Variants in NBEA observed in about 807,000 individuals in gnomAD.
NBEA encodes the protein neurobeachin.
Under a neutral mutation model 343.4 loss-of-function variants are expected in NBEA, and 44 were observed. The observed-to-expected ratio is 0.13, with a 90% CI of 0.10 to 0.16. The LOEUF (loss-of-function observed/expected upper bound fraction) is 0.16, where lower values mean the gene tolerates loss of function less well. NBEA is among the 10% of genes least tolerant of loss of function. The pLI, the probability that NBEA is intolerant of heterozygous loss-of-function variation, is 1.00. For missense variants in NBEA, 2,555 were observed against 3,631.3 expected (o/e 0.70, Z 7.62); for synonymous variants, 1,175 against 1,238.7 (o/e 0.95, Z 1.08).
At chr13:35,323,694 C>T (rs1006231139) in intron 36 of NBEA, among the ~76,000 whole-genome samples, 1 of 151,320 alleles carries the variant, frequency 6.6e-6, no homozygotes, top group Non-Finnish European at 1.5e-5. Flanking sequence ...TGCACATGTA[C>T]CCTAAAACTT....
intron 35 of NBEA, among the ~76,000 whole-genome samples, chr13:35,304,513 C>T (rs2036759549): frequency 6.6e-6 from 1 of 152,018 alleles, no homozygotes; most frequent in African/African-American, 2.4e-5. Flanking sequence ...ACCACCACAC[C>T]CGGCTAATTT....
intron 34 of NBEA, among the ~76,000 whole-genome samples, chr13:35,281,569 A>G (rs1164656899): frequency 1.3e-5 from 2 of 152,292 alleles, no homozygotes; most frequent in East Asian, 3.9e-4. Context: ...AATGATTATC[A>G]AATAGTTTCC....
At chr13:35,308,590 A>ATGTATATG (rs2037140076) in intron 35 of NBEA, among the ~76,000 whole-genome samples, 1 of 136,588 alleles carries the variant, frequency 7.3e-6, no homozygotes, top group South Asian at 2.2e-4. Context: ...ATATGTATAT[A>ATGTATATG]TGTATATATG....
intron 41 of NBEA, among the ~76,000 whole-genome samples, chr13:35,532,653 A>C (rs2078321891): frequency 6.6e-6 from 1 of 152,170 alleles, no homozygotes; most frequent in Non-Finnish European, 1.5e-5. Flanking sequence ...TTAGAAGTTA[A>C]GTAAAATATG....
intron 17 of NBEA, among the ~76,000 whole-genome samples, chr13:35,140,892 A>G (rs910730741): frequency 6.6e-6 from 1 of 152,176 alleles, no homozygotes; most frequent in Admixed American, 6.5e-5. Flanking sequence ...ATTATCTTAC[A>G]GTGATTTAGA....
chr13:35,507,822 G>A (rs377164776), intron 41 of NBEA, among the ~76,000 whole-genome samples: 14 of 152,218 alleles, frequency 9.2e-5, no homozygotes, highest in African/African-American at 3.4e-4. Context: ...CTGATTGAAC[G>A]TGTTGCAATG....
rs1479209641 is a variant in NBEA at position 35,649,585 on chromosome 13, TC to T, written c.7771-67del. On this transcript the variant is annotated intron_variant, in intron 51 of 58. Coordinates refer to ENST00000379939, the MANE Select transcript of NBEA (RefSeq NM_001385012.1). ...TAGCCTTGTCTGTTTAACCTCATTCTCCCTAGACCTTTCACTAACTATGTTA... is the reference window on the plus strand; with the variant it reads ...TAGCCTTGTCTGTTTAACCTCATTCTCCTAGACCTTTCACTAACTATGTTA... 3.1e-6 allele frequency: 4 copies of T among 1,307,868 alleles called. No homozygotes were observed. The African/African-American group carries it at 5.9e-5, about 19-fold the overall frequency. The allele number at this position is 1,307,868 out of a possible 1,614,324, so 81.0% of individuals were successfully genotyped here.
intron 1 of NBEA, among the ~76,000 whole-genome samples, chr13:35,031,605 C>A (rs961602343): frequency 2.6e-4 from 39 of 151,350 alleles, no homozygotes; most frequent in African/African-American, 9.0e-4. Flanking sequence ...GTACTTAACT[C>A]AATTATCTCA....
At chr13:35,507,638 C>G (rs1238940422) in intron 41 of NBEA, among the ~76,000 whole-genome samples, 2 of 152,238 alleles carry the variant, frequency 1.3e-5, no homozygotes, top group Middle Eastern at 3.4e-3. Flanking sequence ...TTTGACTTCT[C>G]TCTTTCTCTC....
chr13:35,188,816 A>G (rs985350887), intron 30 of NBEA, among the ~76,000 whole-genome samples: 2 of 151,588 alleles, frequency 1.3e-5, no homozygotes, highest in African/African-American at 2.4e-5. Context: ...ACCATTTTCC[A>G]TAATAGCTGT....
chr13:35,179,534 AAAAAAAT>A (rs879942977), intron 28 of NBEA, among the ~76,000 whole-genome samples: 19 of 151,362 alleles, frequency 1.3e-4, no homozygotes, highest in East Asian at 5.8e-4. Flanking sequence ...TCTGGGTTAA[AAAAAAAT>A]AAAAAATAAA....
intron 17 of NBEA, among the ~76,000 whole-genome samples, chr13:35,126,324 T>C (rs2067131820): frequency 6.6e-6 from 1 of 152,148 alleles, no homozygotes; most frequent in Non-Finnish European, 1.5e-5. Context: ...ATTAAACCTC[T>C]TTCCTTTATA....
Position 35,089,914 on chromosome 13 carries a change from G to A in NBEA, c.1572-8383G>A, listed in dbSNP as rs1193333638. ...ATCACACTCTGGGGACTGTTGTGGG[G>A]TGGGGGGAGGGGGGAGGGATAGCAT... On this transcript the variant is annotated intron_variant, in intron 10 of 58. Coordinates refer to ENST00000379939, the MANE Select transcript of NBEA (RefSeq NM_001385012.1). Among the ~76,000 whole-genome samples the A allele has an allele frequency of 7.3e-5, 8 of 109,170 alleles. 1 individual carries two copies. Among genetic ancestry groups the A allele is most frequent in the Admixed American group, 2.4e-4 (2 of 8,468 alleles). The allele number at this position is 109,170 out of a possible 152,430, so 71.6% of individuals were successfully genotyped here.
chr13:35,139,712 T>C (rs1043284418), intron 17 of NBEA, among the ~76,000 whole-genome samples: 2 of 144,226 alleles, frequency 1.4e-5, no homozygotes, highest in Non-Finnish European at 3.0e-5. Context: ...ACAGGGCCAG[T>C]GCACCATTTC....
At chr13:35,282,552 C>G (rs1264052442) in intron 34 of NBEA, among the ~76,000 whole-genome samples, 2 of 151,890 alleles carry the variant, frequency 1.3e-5, no homozygotes, top group African/African-American at 4.8e-5. Context: ...TAAATTTAAC[C>G]CAAAAATAAT....
In NBEA at chr13:35,474,835, GTCT is replaced by G. The variant is rs146955523; in HGVS notation, c.6585+2303_6585+2305del. On this transcript the variant is annotated intron_variant, in intron 41 of 58. Coordinates refer to ENST00000379939, the MANE Select transcript of NBEA (RefSeq NM_001385012.1). ...GAGATAGGAAATCGTGTGGAAAGAA[GTCT>G]TCTAATACTAGTGGCTTTGGGTTTT... 2.4e-4 allele frequency: 125 copies of G among 531,158 alleles called. 1 individual carries two copies. The East Asian group carries it at 3.4e-3, about 14-fold the overall frequency. The allele number at this position is 531,158 out of a possible 1,614,324, so 32.9% of individuals were successfully genotyped here.
intron 41 of NBEA, among the ~76,000 whole-genome samples, chr13:35,507,611 C>T (rs1158572164): frequency 6.6e-6 from 1 of 152,078 alleles, no homozygotes; most frequent in Admixed American, 6.6e-5. Context: ...TTGTTCGAGC[C>T]AAAACCTTGG....
chr13:35,457,936 C>A (rs1297462489), intron 40 of NBEA, among the ~76,000 whole-genome samples: 1 of 152,202 alleles, frequency 6.6e-6, no homozygotes, highest in Non-Finnish European at 1.5e-5. Context: ...GCAGTTATTC[C>A]ATTGTATGGA....
At chr13:35,643,575 C>T (rs2084073622) in intron 49 of NBEA, among the ~76,000 whole-genome samples, 1 of 152,100 alleles carries the variant, frequency 6.6e-6, no homozygotes, top group Non-Finnish European at 1.5e-5. Context: ...ACTAAGTCAC[C>T]ATCCTGACCT....
Sources: allele counts gnomAD v4.1 joint callset (sites outside exome capture counted in the v4.1 genomes callset), GRCh38; gene constraint gnomAD v4.1.1; transcripts MANE v1.5; gene names NCBI Gene and HGNC (gene_info 2026-07-23, HGNC 2026-07-21).